Variants in CHCHD6 observed in about 807,000 individuals in gnomAD.
CHCHD6 encodes the protein MICOS complex subunit MIC25.
In CHCHD6, 28 loss-of-function variants were observed where a neutral mutation model predicts 32.3. That is an observed-to-expected ratio of 0.87 (90% CI 0.64 to 1.19). The LOEUF (loss-of-function observed/expected upper bound fraction) is 1.19, where lower values mean the gene tolerates loss of function less well. Among genes scored for constraint, CHCHD6 ranks in the 50% most tolerant of loss-of-function variants. CHCHD6 has a pLI of 0.00. For missense variants in CHCHD6, 333 were observed against 307.0 expected (o/e 1.08, Z -0.63); for synonymous variants, 122 against 117.5 (o/e 1.04, Z -0.25).
At chr3:126,787,589 T>A (rs1938282098) in intron 4 of CHCHD6, among the ~76,000 whole-genome samples, 1 of 152,216 alleles carries the variant, frequency 6.6e-6, no homozygotes, top group Non-Finnish European at 1.5e-5. Context: ...TTGAAGCAAT[T>A]GTGAATGGTA....
At chr3:126,889,364 C>G (rs115227394) in intron 5 of CHCHD6, among the ~76,000 whole-genome samples, 1,815 of 152,276 alleles carry the variant, frequency 0.012, 20 homozygotes, top group Middle Eastern at 0.048. Context: ...GCTTCCATAC[C>G]TGCAGAACTT....
chr3:126,731,918 A>T (rs1935820985), intron 3 of CHCHD6, among the ~76,000 whole-genome samples: 1 of 152,010 alleles, frequency 6.6e-6, no homozygotes, highest in Admixed American at 6.5e-5. Context: ...TCTACAAAAA[A>T]ATTAAAAACG....
At chr3:126,721,391 A>G (rs985593302) in intron 1 of CHCHD6, among the ~76,000 whole-genome samples, 1 of 152,146 alleles carries the variant, frequency 6.6e-6, no homozygotes, top group African/African-American at 2.4e-5. Flanking sequence ...TTCTGCAGAC[A>G]TCGCTGCCGT....
chr3:126,830,939 A>G (rs1379800819), intron 4 of CHCHD6, among the ~76,000 whole-genome samples: 1 of 152,082 alleles, frequency 6.6e-6, no homozygotes, highest in Non-Finnish European at 1.5e-5. Context: ...AGCTGCTCAC[A>G]GGACAGCACC....
intron 6 of CHCHD6, among the ~76,000 whole-genome samples, chr3:126,941,739 A>T (rs1170364816): frequency 1.3e-5 from 2 of 152,200 alleles, no homozygotes; most frequent in African/African-American, 4.8e-5. Context: ...AATTTGCTTC[A>T]TCACCTTTTC....
chr3:126,919,645 T>G, intron 6 of CHCHD6, among the ~76,000 whole-genome samples: 1 of 148,712 alleles, frequency 6.7e-6, no homozygotes, highest in South Asian at 2.1e-4. Context: ...TTTTTTAGTG[T>G]ATCTTTTCTG....
chr3:126,953,128 C>G (rs2078738618), intron 6 of CHCHD6: 2 of 985,442 alleles, frequency 2.0e-6, no homozygotes, highest in Non-Finnish European at 2.4e-6. Context: ...GGTCCTCCCC[C>G]ATACCTGATG....
intron 4 of CHCHD6, among the ~76,000 whole-genome samples, chr3:126,750,040 G>C (rs931894199): frequency 3.9e-5 from 6 of 152,134 alleles, no homozygotes; most frequent in African/African-American, 1.2e-4. Flanking sequence ...ACCTTTCCTG[G>C]TGCCTTCAGG....
At chr3:126,885,049 G>A (rs2077660991) in intron 5 of CHCHD6, among the ~76,000 whole-genome samples, 1 of 152,154 alleles carries the variant, frequency 6.6e-6, no homozygotes, top group Admixed American at 6.5e-5. Flanking sequence ...AAGGCCAGTC[G>A]TGGCACTGGT....
At chr3:126,891,076 G>A (rs913083489) in intron 5 of CHCHD6, among the ~76,000 whole-genome samples, 6 of 152,184 alleles carry the variant, frequency 3.9e-5, no homozygotes, top group African/African-American at 1.4e-4. Flanking sequence ...TGGGGAGTTA[G>A]CAATAAACAA....
intron 1 of CHCHD6, among the ~76,000 whole-genome samples, chr3:126,719,184 T>C (rs534509424): frequency 5.3e-5 from 8 of 152,352 alleles, no homozygotes; most frequent in African/African-American, 1.9e-4. Context: ...CCCTTTCTTT[T>C]AATTCACTGT....
intron 6 of CHCHD6, among the ~76,000 whole-genome samples, chr3:126,927,480 G>A (rs1200837284): frequency 6.6e-6 from 1 of 152,158 alleles, no homozygotes; most frequent in Non-Finnish European, 1.5e-5. Flanking sequence ...TAAGGGGAAG[G>A]GCAGCCCCAC....
chr3:126,735,810 G>A (rs189912884), intron 4 of CHCHD6, among the ~76,000 whole-genome samples: 1 of 152,318 alleles, frequency 6.6e-6, no homozygotes, highest in African/African-American at 2.4e-5. Context: ...ATCATCCATT[G>A]ATGACCTGCC....
intron 4 of CHCHD6, among the ~76,000 whole-genome samples, chr3:126,737,029 A>AGT (rs1936073571): frequency 6.6e-6 from 1 of 152,160 alleles, no homozygotes; most frequent in Non-Finnish European, 1.5e-5. Context: ...TAGAAAGCAA[A>AGT]AACTTTCTTG....
At chr3:126,833,871 C>T (rs576130612) in intron 4 of CHCHD6, among the ~76,000 whole-genome samples, 59 of 151,398 alleles carry the variant, frequency 3.9e-4, no homozygotes, top group African/African-American at 1.2e-3. Context: ...CCGGCTAAAA[C>T]GGTGAAACCC....
chr3:126,915,167 G>A (rs9683346), intron 6 of CHCHD6, among the ~76,000 whole-genome samples: 87,055 of 152,122 alleles, frequency 0.57, 26,234 homozygotes, highest in Non-Finnish European at 0.67. Context: ...AGTGCTTCCT[G>A]TGCCTGGTAC....
intron 6 of CHCHD6, chr3:126,957,096 C>T (rs963219684): frequency 5.6e-5 from 23 of 412,692 alleles, no homozygotes; most frequent in Non-Finnish European, 8.6e-5. Context: ...TCATGGGGGC[C>T]CTCCAGTGGG....
chr3:126,727,276 G>T (rs1935580073), intron 2 of CHCHD6, 90 bp downstream of exon 2: 1 of 825,522 alleles, frequency 1.2e-6, no homozygotes. Context: ...GGCGCACAGG[G>T]CTCAGGTTGG....
intron 1 of CHCHD6, among the ~76,000 whole-genome samples, chr3:126,716,786 A>G (rs1259861896): frequency 1.3e-5 from 2 of 151,806 alleles, no homozygotes; most frequent in African/African-American, 4.8e-5. Flanking sequence ...AAAGCAGAGT[A>G]AGGGGAGGGA....
Sources: allele counts gnomAD v4.1 joint callset (sites outside exome capture counted in the v4.1 genomes callset), GRCh38; gene constraint gnomAD v4.1.1; transcripts MANE v1.5; gene names NCBI Gene and HGNC (gene_info 2026-07-23, HGNC 2026-07-21).